Variants in STAR observed in about 807,000 individuals in gnomAD.
STAR encodes the protein steroidogenic acute regulatory protein, also known as steroidogenic acute regulatory protein, mitochondrial.
A neutral mutation model predicts 32.3 loss-of-function variants in STAR; 32 were observed. The ratio of observed to expected loss-of-function variants is 0.99; its 90% CI spans 0.75 to 1.33. The LOEUF is 1.33. Among genes scored for constraint, STAR ranks in the 40% most tolerant of loss-of-function variants. The pLI is 0.00. For synonymous variants in STAR, 134 were observed against 140.5 expected (o/e 0.95, Z 0.33); for missense variants, 375 against 379.0 (o/e 0.99, Z 0.09).
At chr8:38,148,575 C>T in intron 2 of STAR, 66 bp downstream of exon 2, 1 of 1,492,618 alleles carries the variant, frequency 6.7e-7, no homozygotes, top group Non-Finnish European at 9.3e-7. Context: ...AAGCCACATG[C>T]ACCACATCAC....
At position 38,150,854 on chromosome 8, in the gene STAR, G is replaced by T; in HGVS notation, c.-36C>A. On this transcript the variant is annotated 5_prime_UTR_variant, in exon 1 of 7. Coordinates refer to ENST00000276449, the MANE Select transcript of STAR (RefSeq NM_000349.3). ...CAAATGTGGCAGTGGTGGGGTCGCT[G>T]CCGCTGCTGCTGCCGCCGCTGCTGC... 6.2e-7 allele frequency: 1 copy of T among 1,600,836 alleles called. No homozygotes were observed. Among genetic ancestry groups the T allele is most frequent in the Non-Finnish European group, 8.5e-7 (1 of 1,179,808 alleles).
rs762532124 is a variant in STAR at position 38,146,443 on chromosome 8, T to C, written c.311A>G (p.Asn104Ser). The C allele has an allele frequency of 1.9e-6, 3 of 1,613,832 alleles. No homozygotes were observed. The highest frequency in any genetic ancestry group is 1.3e-5 in the African/African-American group (1 of 74,934). Residue 104 changes from asparagine to serine, a missense_variant, in exon 4 of 7, where the codon AAT becomes AGT. Asn to Ser is a conservative substitution (Grantham distance 46, BLOSUM62 1). Transcript: ENST00000276449. ...EGWKKESQQDNGDKVMSKVVP... is the reference protein window; with the variant it reads ...EGWKKESQQDSGDKVMSKVVP... ...CACTTTACTCATCACTTTGTCCCCATTGTCCTGTCAGAGAAAGGAGCCCCC... is the reference window on the plus strand; with the variant it reads ...CACTTTACTCATCACTTTGTCCCCACTGTCCTGTCAGAGAAAGGAGCCCCC...
intron 1 of STAR, among the ~76,000 whole-genome samples, chr8:38,150,311 A>T (rs1585628362): frequency 3.9e-5 from 6 of 152,110 alleles, no homozygotes; most frequent in Admixed American, 3.9e-4. Flanking sequence ...AGGTGGGAGG[A>T]TGGCTTGAGC....
Position 38,142,730 on chromosome 8 carries a change from G to T in STAR, c.*1543C>A, listed in dbSNP as rs748527738. On this transcript the variant is annotated 3_prime_UTR_variant, in exon 7 of 7. Coordinates refer to ENST00000276449, the MANE Select transcript of STAR (RefSeq NM_000349.3). ...TTTAGTAGAGATGGGGTTTCTCCAT[G>T]TTAGTCAGGCTGGTCTCCTGCCCTC... 2.5e-4 allele frequency among the ~76,000 whole-genome samples: 38 copies of T among 151,932 alleles called. No individual in the cohort carries two copies. Among genetic ancestry groups the T allele is most frequent in the Non-Finnish European group, 5.0e-4 (34 of 68,006 alleles).
intron 1 of STAR, among the ~76,000 whole-genome samples, chr8:38,150,153 G>A (rs946987907): frequency 2.0e-5 from 3 of 152,094 alleles, no homozygotes; most frequent in Admixed American, 2.0e-4. Flanking sequence ...AGGCCAAGGT[G>A]GGAGAATCCC....
In STAR at chr8:38,148,340, C is replaced by G; in HGVS notation, c.179-13G>C. The G allele has an allele frequency of 6.2e-7, 1 of 1,613,902 alleles. No homozygotes were observed. ...TCCAGCCGAGAACCTGGATACACAG[C>G]CGAGGAGAGACAGAGCTTCCTTCTT... On this transcript the variant is annotated splice_polypyrimidine_tract_variant and intron_variant, in intron 2 of 6. Transcript: ENST00000276449.
At chr8:38,149,074 A>C (rs373147931) in intron 1 of STAR, 11 of 383,200 alleles carry the variant, frequency 2.9e-5, no homozygotes, top group Non-Finnish European at 5.0e-5. Flanking sequence ...GAAAAATCCT[A>C]CTTCATAAGG....
chr8:38,150,030 A>G (rs1292866507), intron 1 of STAR, among the ~76,000 whole-genome samples: 1 of 152,086 alleles, frequency 6.6e-6, no homozygotes, highest in African/African-American at 2.4e-5. Flanking sequence ...CGGAGGTTGC[A>G]GTGAGCCGAG....
In STAR at chr8:38,146,200, AC is replaced by A. The variant is rs1049879155; in HGVS notation, c.466-54del. 4 of 1,612,544 alleles carry A rather than the reference AC, an allele frequency of 2.5e-6. No individual in the cohort carries two copies. In the African/African-American group the frequency reaches 4.0e-5, roughly 16 times the overall value. On this transcript the variant is annotated intron_variant, in intron 4 of 6. Transcript: ENST00000276449. ...CGACTCAGCCTGTGTTGGGCTAAGC[AC>A]CCCCCACAGCTAGGGGTCCTCTCTT... is the stretch of plus-strand genomic sequence containing the variant.
At position 38,144,237 on chromosome 8, in the gene STAR, T is replaced by C. The variant is rs1288267262; in HGVS notation, c.*36A>G. 1 of 1,576,874 alleles carries C rather than the reference T, an allele frequency of 6.3e-7. No homozygotes were observed. The highest frequency in any genetic ancestry group is 1.8e-5 in the Admixed American group (1 of 55,730). ...TTCTCCTGATGAGCGTGTGTACCAG[T>C]GCAGCTGGGCACAGTTGGGAACAGC... On this transcript the variant is annotated 3_prime_UTR_variant, in exon 7 of 7. Transcript: ENST00000276449.
intron 6 of STAR, chr8:38,144,979 A>G (rs1372836589): frequency 1.5e-6 from 2 of 1,322,800 alleles, no homozygotes; most frequent in African/African-American, 1.6e-5. Context: ...ATTGTACTCC[A>G]GCCTGAGTGA....
chr8:38,148,626 A>G lies in STAR; in HGVS notation c.178+15T>C, dbSNP rs371764861. The stretch of plus-strand genomic sequence containing the variant: ...CTGCCAGCAGCACCAGGAGCCCAGA[A>G]GCCTCAGCACTTACCGAGTAGAGAG... On this transcript the variant is annotated intron_variant, in intron 2 of 6. Transcript: ENST00000276449. 3 of 1,612,612 alleles carry G rather than the reference A, an allele frequency of 1.9e-6. No individual in the cohort carries two copies. The African/African-American group carries it at 4.0e-5, about 22-fold the overall frequency.
Position 38,143,871 on chromosome 8 carries a change from C to G in STAR, c.*402G>C. The G allele has an allele frequency of 3.0e-6, 1 of 332,564 alleles. No individual in the cohort carries two copies. Among genetic ancestry groups the G allele is most frequent in the Non-Finnish European group, 5.9e-6 (1 of 169,670 alleles). 20.6% of individuals were successfully genotyped at this position (332,564 alleles called of 1,614,324 possible). A position where few individuals can be genotyped will look rare whatever the true frequency, so the allele number is the denominator to read the frequency against. The stretch of plus-strand genomic sequence containing the variant: ...TGAGATTCTGCTTTGTGCACATGTA[C>G]TGCCAGCGCATGGCATTCTTGAGCC... On this transcript the variant is annotated 3_prime_UTR_variant, in exon 7 of 7. Transcript: ENST00000276449.
intron 3 of STAR, among the ~76,000 whole-genome samples, chr8:38,147,511 C>T (rs948097917): frequency 3.9e-5 from 6 of 152,146 alleles, no homozygotes; most frequent in Non-Finnish European, 5.9e-5. Flanking sequence ...AGTGATTGGC[C>T]CAGGGACCCT....
intron 3 of STAR, among the ~76,000 whole-genome samples, chr8:38,147,207 C>CAA (rs1802589945): frequency 6.6e-6 from 1 of 151,902 alleles, no homozygotes; most frequent in Non-Finnish European, 1.5e-5. Context: ...AGGCTGGTCT[C>CAA]AAACTCCTAG....
Position 38,144,485 on chromosome 8 carries a change from G to A in STAR, c.745-99C>T, listed in dbSNP as rs183292899. The A allele has an allele frequency of 1.1e-4, 167 of 1,531,136 alleles. 1 individual carries two copies. In the Middle Eastern group the frequency reaches 4.3e-3, roughly 40 times the overall value. The allele number at this position is 1,531,136 out of a possible 1,614,324, so 94.8% of individuals were successfully genotyped here. Reference sequence around the variant, plus strand: ...ACAGGCTGCCAGGGGCTTGGTCTTCGAGCTCTGTTAATAGGTGCAGCCTTG... The same window carrying A: ...ACAGGCTGCCAGGGGCTTGGTCTTCAAGCTCTGTTAATAGGTGCAGCCTTG... On this transcript the variant is annotated intron_variant, in intron 6 of 6. Coordinates refer to ENST00000276449, the MANE Select transcript of STAR (RefSeq NM_000349.3).
At chr8:38,146,815 A>G (rs1054608471) in intron 3 of STAR, among the ~76,000 whole-genome samples, 2 of 151,018 alleles carry the variant, frequency 1.3e-5, no homozygotes, top group Non-Finnish European at 2.9e-5. Context: ...TCTAGGTCCC[A>G]TAGGCAATAC....
intron 5 of STAR, 185 bp downstream of exon 5, chr8:38,145,778 G>A (rs1412578632): frequency 2.8e-6 from 2 of 722,452 alleles, no homozygotes; most frequent in African/African-American, 3.6e-5. Context: ...CTGTCTGGCT[G>A]TCCAAGTAGG....
rs1462442574 is a variant in STAR at position 38,150,744 on chromosome 8, G to A, written c.64+11C>T. 6.2e-7 allele frequency: 1 copy of A among 1,606,196 alleles called. No homozygotes were observed. Among genetic ancestry groups the A allele is most frequent in the African/African-American group, 1.3e-5 (1 of 75,024 alleles). On this transcript the variant is annotated intron_variant, in intron 1 of 6. Coordinates refer to ENST00000276449, the MANE Select transcript of STAR (RefSeq NM_000349.3). Reference sequence around the variant, plus strand: ...GCCAACCCCTCATCGCCTCCTTCCCGCAGCGCTCACCCTTCATGTTGCGCA... The same window carrying A: ...GCCAACCCCTCATCGCCTCCTTCCCACAGCGCTCACCCTTCATGTTGCGCA...
Sources: gnomAD v4.1 joint callset for allele counts (sites outside exome capture counted in the v4.1 genomes callset) on GRCh38, gnomAD v4.1.1 for gene constraint, MANE v1.5 for transcripts, NCBI Gene and HGNC (gene_info 2026-07-23, HGNC 2026-07-21) for gene names.